The following METAP1 variants were observed in gnomAD, a reference collection of about 807,000 sequenced individuals.
METAP1 encodes methionine aminopeptidase 1.
METAP1 carries 28 observed loss-of-function variants against 53.8 expected under a neutral mutation model. The ratio of observed to expected loss-of-function variants is 0.52; its 90% CI spans 0.39 to 0.71. METAP1 has a LOEUF of 0.71. METAP1 is among the 30% of genes least tolerant of loss of function. METAP1 has a pLI of 0.00. For missense variants in METAP1, 389 were observed against 479.8 expected (o/e 0.81, Z 1.77); for synonymous variants, 181 against 165.7 (o/e 1.09, Z -0.71).
chr4:99,012,651 AG>A (rs1471556504), intron 1 of METAP1, among the ~76,000 whole-genome samples: 19 of 104,754 alleles, frequency 1.8e-4, no homozygotes, highest in Admixed American at 1.4e-3. Context: ...TATCCCATAA[AG>A]TTTTTTTTTT....
At chr4:99,024,483 C>T (rs895097381) in intron 1 of METAP1, among the ~76,000 whole-genome samples, 8 of 152,000 alleles carry the variant, frequency 5.3e-5, no homozygotes, top group African/African-American at 1.2e-4. Context: ...TTGGTTGGGT[C>T]GGAGATGAAA....
chr4:99,039,712 GC>G (rs1725709738), intron 5 of METAP1, among the ~76,000 whole-genome samples: 1 of 152,022 alleles, frequency 6.6e-6, no homozygotes, highest in African/African-American at 2.4e-5. Context: ...TTCTGCCTCA[GC>G]CTCCTGAGTA....
intron 9 of METAP1, among the ~76,000 whole-genome samples, chr4:99,053,533 G>A (rs1387426991): frequency 6.6e-6 from 1 of 152,208 alleles, no homozygotes; most frequent in African/African-American, 2.4e-5. Context: ...GATTACAGGC[G>A]TGTGCCACCA....
intron 1 of METAP1, among the ~76,000 whole-genome samples, chr4:99,005,093 A>T (rs2110278739): frequency 6.6e-6 from 1 of 152,302 alleles, no homozygotes; most frequent in South Asian, 2.1e-4. Flanking sequence ...TGATGATACC[A>T]GATTGTTTTC....
chr4:99,057,278 T>A (rs1396559046), intron 9 of METAP1, among the ~76,000 whole-genome samples: 1 of 152,204 alleles, frequency 6.6e-6, no homozygotes, highest in Non-Finnish European at 1.5e-5. Flanking sequence ...CTATGGGCTG[T>A]GCACCTGTGT....
At chr4:99,032,857 A>T (rs797020113) in intron 2 of METAP1, among the ~76,000 whole-genome samples, 6 of 152,340 alleles carry the variant, frequency 3.9e-5, no homozygotes, top group African/African-American at 1.4e-4. Context: ...TTTCCTATTG[A>T]TATTAACATT....
intron 1 of METAP1, chr4:99,026,737 C>T: frequency 1.0e-5 from 10 of 985,352 alleles, no homozygotes; most frequent in Non-Finnish European, 1.2e-5. Context: ...TTAGAGAAGG[C>T]ACATTATTTA....
At chr4:99,052,180 CTA>C (rs1726762735) in intron 9 of METAP1, among the ~76,000 whole-genome samples, 1 of 152,172 alleles carries the variant, frequency 6.6e-6, no homozygotes, top group Admixed American at 6.5e-5. Flanking sequence ...TAAAAATACT[CTA>C]TTGCTAAAAA....
chr4:99,032,778 A>G (rs902331964), intron 2 of METAP1, among the ~76,000 whole-genome samples: 1 of 152,130 alleles, frequency 6.6e-6, no homozygotes, highest in African/African-American at 2.4e-5. Context: ...CCCATTTTGA[A>G]CTGTTTTCTG....
chr4:99,001,403 A>G (rs1722919779), intron 1 of METAP1, among the ~76,000 whole-genome samples: 1 of 152,254 alleles, frequency 6.6e-6, no homozygotes, highest in South Asian at 2.1e-4. Context: ...ATGTGTGAAG[A>G]TAATCAATTA....
intron 3 of METAP1, 73 bp from the exon 4 acceptor site, chr4:99,035,327 G>T (rs1002346790): frequency 4.7e-5 from 50 of 1,073,246 alleles, no homozygotes; most frequent in Non-Finnish European, 6.8e-5. Context: ...AAAAACTTTT[G>T]AATGGACTTC....
At chr4:98,998,707 A>G (rs1347014868) in intron 1 of METAP1, among the ~76,000 whole-genome samples, 4 of 152,172 alleles carry the variant, frequency 2.6e-5, no homozygotes, top group Admixed American at 6.5e-5. Context: ...CTATCACACC[A>G]TTAACAGAAG....
intron 9 of METAP1, among the ~76,000 whole-genome samples, chr4:99,056,794 C>T (rs373806742): frequency 1.4e-4 from 21 of 151,952 alleles, no homozygotes; most frequent in African/African-American, 5.1e-4. Flanking sequence ...TGGTCTCGAT[C>T]TCCTGACCTC....
chr4:99,037,050 C>G (rs1725470748), intron 4 of METAP1, among the ~76,000 whole-genome samples: 2 of 151,862 alleles, frequency 1.3e-5, no homozygotes, highest in South Asian at 4.1e-4. Flanking sequence ...TTATTTTAAT[C>G]TGCATTTTAA....
chr4:99,012,523 G>A (rs1051189526), intron 1 of METAP1, among the ~76,000 whole-genome samples: 4 of 151,706 alleles, frequency 2.6e-5, no homozygotes, highest in Non-Finnish European at 4.4e-5. Context: ...GATCTGCCCC[G>A]CTTGGCCTCC....
intron 10 of METAP1, 93 bp from the exon 11 acceptor site, chr4:99,061,061 G>T (rs1727514736): frequency 7.6e-7 from 1 of 1,311,760 alleles, no homozygotes; most frequent in Non-Finnish European, 1.1e-6. Flanking sequence ...TGTAAATAAG[G>T]ATCTTAGTAG....
intron 8 of METAP1, among the ~76,000 whole-genome samples, chr4:99,046,259 C>CG (rs200530919): frequency 6.6e-6 from 1 of 151,800 alleles, no homozygotes; most frequent in African/African-American, 2.4e-5. Context: ...AATAAAAATA[C>CG]AAAAATTAGC....
chr4:99,053,175 T>G (rs889467704), intron 9 of METAP1, among the ~76,000 whole-genome samples: 2 of 152,228 alleles, frequency 1.3e-5, no homozygotes, highest in Non-Finnish European at 2.9e-5. Context: ...CCAACTCATG[T>G]TAATATTGAT....
chr4:99,040,582 C>G (rs748082016), intron 5 of METAP1, among the ~76,000 whole-genome samples: 2 of 151,634 alleles, frequency 1.3e-5, no homozygotes, highest in African/African-American at 2.4e-5. Context: ...CTCCAAACTC[C>G]TGGGCTCAAG....
Sources: gnomAD v4.1 joint callset for allele counts (sites outside exome capture counted in the v4.1 genomes callset) on GRCh38, gnomAD v4.1.1 for gene constraint, MANE v1.5 for transcripts, NCBI Gene and HGNC (gene_info 2026-07-23, HGNC 2026-07-21) for gene names.